Variants in ALB observed in about 807,000 individuals in gnomAD.
ALB encodes the protein albumin.
In ALB, 37 loss-of-function variants were observed where a neutral mutation model predicts 74.5. The observed-to-expected ratio is 0.50, with a 90% CI of 0.38 to 0.65. The LOEUF is 0.65. Among genes scored for constraint, ALB ranks in the 30% least tolerant of loss-of-function variants. The pLI is 0.00. For missense variants in ALB, 685 were observed against 718.7 expected, an observed-to-expected ratio of 0.95 and a Z score of 0.54; for synonymous variants, 249 against 251.6, an observed-to-expected ratio of 0.99 and a Z score of 0.10.
chr4:73,413,680 A>G, intron 8 of ALB, 46 bp downstream of exon 8: 1 of 1,573,206 alleles, frequency 6.4e-7, no homozygotes. Flanking sequence ...GCATGACCTC[A>G]CAACTTAGGA....
intron 1 of ALB, 115 bp from the exon 2 acceptor site, chr4:73,405,001 A>G (rs1718682040): frequency 2.0e-6 from 2 of 979,424 alleles, no homozygotes; most frequent in Non-Finnish European, 3.2e-6. Flanking sequence ...TCAGAGCCCA[A>G]TATTTTGAAA....
chr4:73,410,737 C>T (rs1354165416), intron 6 of ALB, among the ~76,000 whole-genome samples: 2 of 152,028 alleles, frequency 1.3e-5, no homozygotes, highest in African/African-American at 4.8e-5. Context: ...GAGCTGTAGG[C>T]ATGGTTCTTT....
chr4:73,415,207 A>T (rs374559343), intron 9 of ALB, 40 bp downstream of exon 9: 1 of 1,608,580 alleles, frequency 6.2e-7, no homozygotes, highest in South Asian at 1.1e-5. Context: ...TCTTTGACTG[A>T]TGATTCCAAT....
intron 13 of ALB, among the ~76,000 whole-genome samples, chr4:73,420,041 G>T (rs2236766): frequency 0.46 from 70,214 of 151,940 alleles, 16,544 homozygotes; most frequent in Admixed American, 0.55. Flanking sequence ...ACTTAAAATT[G>T]CCCTTTATGG....
At position 73,411,056 on chromosome 4, in the gene ALB, G is replaced by A. The variant is rs545616261; in HGVS notation, c.713+647G>A. Among the ~76,000 whole-genome samples, 50 of 152,118 alleles carry A rather than the reference G, an allele frequency of 3.3e-4. No homozygotes were observed. In the East Asian group the frequency reaches 9.5e-3, roughly 29 times the overall value. ...GTTCTGGGAGCATACTTTAATAGCC[G>A]AGTCAAGAAAAATACTAGCTGCCCC... On this transcript the variant is annotated intron_variant, in intron 6 of 14. Coordinates refer to ENST00000295897, the MANE Select transcript of ALB (RefSeq NM_000477.7).
intron 2 of ALB, 69 bp from the exon 3 acceptor site, chr4:73,406,560 C>G: frequency 6.8e-7 from 1 of 1,469,258 alleles, no homozygotes; most frequent in South Asian, 1.2e-5. Flanking sequence ...ATGATTTGTT[C>G]TCTAGCGTAG....
intron 12 of ALB, chr4:73,419,205 T>A: frequency 3.6e-6 from 1 of 278,614 alleles, no homozygotes; most frequent in Non-Finnish European, 6.8e-6. Context: ...ATGACATACT[T>A]CTTTTCAGAG....
At chr4:73,420,862 A>G in intron 14 of ALB, 1 of 418,592 alleles carries the variant, frequency 2.4e-6, no homozygotes, top group Non-Finnish European at 4.2e-6. Flanking sequence ...ATTTGTCAAC[A>G]TGCTGAGCTT....
At chr4:73,408,392 T>C (rs548906418) in intron 3 of ALB, among the ~76,000 whole-genome samples, 4 of 152,216 alleles carry the variant, frequency 2.6e-5, no homozygotes, top group Admixed American at 6.5e-5. Context: ...CCATGAGTTA[T>C]AGTGTGACAG....
intron 6 of ALB, among the ~76,000 whole-genome samples, chr4:73,411,052 A>G (rs1718862619): frequency 1.3e-5 from 2 of 152,192 alleles, no homozygotes; most frequent in Admixed American, 6.6e-5. Flanking sequence ...ATACTTTAAT[A>G]GCCGAGTCAA....
rs1417622944 is a variant in ALB at position 73,418,084 on chromosome 4, T to C, written c.1429-4T>C. The C allele has an allele frequency of 2.5e-6, 4 of 1,613,776 alleles. No homozygotes were observed. In the South Asian group the frequency reaches 4.4e-5, roughly 18 times the overall value. ...GAATTTCTGCTCTCCTGCCTGTTCT[T>C]TAGCTATCCGTGGTCCTGAACCAGT... is the stretch of plus-strand genomic sequence containing the variant. On this transcript the variant is annotated splice_polypyrimidine_tract_variant and splice_region_variant and intron_variant, in intron 11 of 14. Coordinates refer to ENST00000295897, the MANE Select transcript of ALB (RefSeq NM_000477.7).
chr4:73,416,129 A>G, intron 9 of ALB, 127 bp from the exon 10 acceptor site: 1 of 702,822 alleles, frequency 1.4e-6, no homozygotes, highest in Non-Finnish European at 2.6e-6. Flanking sequence ...AGCGGCATTG[A>G]TATTCATCTA....
rs373114186 is a variant in ALB, at chr4:73,409,503, A to G, written c.615+16A>G. ...GTTGCCAAAGGTATTATGCAAAAGAATAGAAAAAAAGAGTTCATTATCCAA... is the reference window on the plus strand; with the variant it reads ...GTTGCCAAAGGTATTATGCAAAAGAGTAGAAAAAAAGAGTTCATTATCCAA... On this transcript the variant is annotated intron_variant, in intron 5 of 14. Coordinates refer to ENST00000295897, the MANE Select transcript of ALB (RefSeq NM_000477.7). The G allele has an allele frequency of 3.2e-5, 52 of 1,613,720 alleles. No individual in the cohort carries two copies. The highest frequency in any genetic ancestry group is 1.2e-4 in the Admixed American group (7 of 59,992).
At chr4:73,416,771 T>C (rs1719023885) in intron 10 of ALB, among the ~76,000 whole-genome samples, 1 of 152,226 alleles carries the variant, frequency 6.6e-6, no homozygotes, top group Admixed American at 6.5e-5. Flanking sequence ...TTTAGATACA[T>C]ATTTGAATAT....
chr4:73,414,785 GAGA>G (rs1247341023), intron 8 of ALB, among the ~76,000 whole-genome samples: 81 of 152,032 alleles, frequency 5.3e-4, no homozygotes, highest in African/African-American at 1.9e-3. Flanking sequence ...CCATTCTACC[GAGA>G]AGGAGACTAA....
chr4:73,420,878 G>C (rs769323640), intron 14 of ALB: 1 of 445,644 alleles, frequency 2.2e-6, no homozygotes, highest in Non-Finnish European at 4.0e-6. Flanking sequence ...AGCTTTAATA[G>C]GACTTATCTT....
rs1718893513 is a variant in ALB, at chr4:73,412,134, T to C, written c.843+9T>C. ...AATGTGCTGATGACAGGGTAAAGAG[T>C]CGTCGATATGCTTTTTGGTAGCTTG... On this transcript the variant is annotated intron_variant, in intron 7 of 14. Transcript: ENST00000295897. The C allele has an allele frequency of 1.2e-6, 2 of 1,613,556 alleles. No individual in the cohort carries two copies.
chr4:73,407,294 A>G (rs1462465045), intron 3 of ALB, among the ~76,000 whole-genome samples: 1 of 152,150 alleles, frequency 6.6e-6, no homozygotes, highest in Non-Finnish European at 1.5e-5. Flanking sequence ...GGCAACCAGC[A>G]TTATACTCTT....
chr4:73,413,372 G>T, intron 7 of ALB, 48 bp from the exon 8 acceptor site: 1 of 1,508,940 alleles, frequency 6.6e-7, no homozygotes, highest in Non-Finnish European at 9.2e-7. Context: ...AGGAGAAAGT[G>T]TAGCAATGTC....
Sources: gnomAD v4.1 joint callset for allele counts (sites outside exome capture counted in the v4.1 genomes callset) on GRCh38, gnomAD v4.1.1 for gene constraint, MANE v1.5 for transcripts, NCBI Gene and HGNC (gene_info 2026-07-23, HGNC 2026-07-21) for gene names.